SLC9B1: variants seen among roughly 807,000 people sequenced by gnomAD.
SLC9B1 encodes the protein solute carrier family 9 member B1, also known as sodium/hydrogen exchanger 9B1.
A neutral mutation model predicts 51.7 loss-of-function variants in SLC9B1; 32 were observed. The ratio of observed to expected loss-of-function variants is 0.62; its 90% CI spans 0.47 to 0.83. The LOEUF is 0.83. SLC9B1 is among the 40% of genes least tolerant of loss of function. The probability of loss-of-function intolerance (pLI) is 0.00; values close to 1 mark genes in which losing one functional copy is unlikely to be tolerated. For synonymous variants in SLC9B1, 145 were observed against 212.7 expected, an observed-to-expected ratio of 0.68 and a Z score of 2.77; for missense variants, 406 against 613.2, an observed-to-expected ratio of 0.66 and a Z score of 3.57.
At chr4:102,974,848 T>C (rs1291631585) in intron 3 of SLC9B1, among the ~76,000 whole-genome samples, 1 of 152,186 alleles carries the variant, frequency 6.6e-6, no homozygotes, top group African/African-American at 2.4e-5. Flanking sequence ...ATCATTATAA[T>C]CCAAGAAAAT....
intron 3 of SLC9B1, among the ~76,000 whole-genome samples, chr4:102,977,319 GAAAA>G (rs1334686848): frequency 3.0e-5 from 4 of 135,156 alleles, no homozygotes; most frequent in African/African-American, 1.1e-4. Context: ...AAAAAAAACA[GAAAA>G]AAAGGAAGAA....
intron 3 of SLC9B1, among the ~76,000 whole-genome samples, chr4:102,969,544 C>A (rs1037017905): frequency 3.3e-5 from 5 of 152,180 alleles, no homozygotes; most frequent in Non-Finnish European, 7.3e-5. Context: ...CAAGAGCAGA[C>A]AAGCTGAAAA....
intron 11 of SLC9B1, among the ~76,000 whole-genome samples, chr4:102,903,141 A>C (rs1179647889): frequency 6.6e-6 from 1 of 152,304 alleles, no homozygotes; most frequent in East Asian, 1.9e-4. Context: ...GAAGCAGAAT[A>C]ATACTGCAGG....
chr4:102,951,317 A>C (rs1737541626), intron 3 of SLC9B1, among the ~76,000 whole-genome samples: 2 of 152,212 alleles, frequency 1.3e-5, no homozygotes. Flanking sequence ...CCCAGACTGC[A>C]TAAAGTCTCA....
intron 3 of SLC9B1, among the ~76,000 whole-genome samples, chr4:102,979,219 A>G (rs1013980056): frequency 1.4e-4 from 22 of 152,356 alleles, no homozygotes; most frequent in Admixed American, 9.2e-4. Flanking sequence ...AGATTGGAAT[A>G]GTAAGTAGTT....
intron 1 of SLC9B1, among the ~76,000 whole-genome samples, chr4:102,994,511 G>T (rs866361266): frequency 6.6e-6 from 1 of 152,118 alleles, no homozygotes; most frequent in African/African-American, 2.4e-5. Context: ...CCTCCAACCT[G>T]TTCCAACCTC....
chr4:102,932,399 T>C (rs558625874), intron 6 of SLC9B1, 100 bp from the exon 7 acceptor site: 314 of 1,108,600 alleles, frequency 2.8e-4, no homozygotes, highest in Non-Finnish European at 3.8e-4. Context: ...AAACATTGTT[T>C]AGAAGAATTT....
intron 11 of SLC9B1, 45 bp from the exon 12 acceptor site, chr4:102,901,377 T>C (rs760721231): frequency 1.2e-6 from 2 of 1,602,452 alleles, no homozygotes; most frequent in Non-Finnish European, 1.7e-6. Flanking sequence ...AATATTAAAC[T>C]GAGTTGATAT....
chr4:102,941,053 A>T (rs1736971485), intron 6 of SLC9B1, among the ~76,000 whole-genome samples: 1 of 152,204 alleles, frequency 6.6e-6, no homozygotes, highest in Non-Finnish European at 1.5e-5. Flanking sequence ...ACCATTCTGG[A>T]CACAGGCCAT....
At chr4:102,915,586 A>G (rs1272895455) in intron 7 of SLC9B1, among the ~76,000 whole-genome samples, 2 of 152,106 alleles carry the variant, frequency 1.3e-5, no homozygotes, top group East Asian at 3.9e-4. Context: ...TAGCAGAGAT[A>G]AGGTCTTGCT....
At chr4:102,991,560 C>T (rs1739939126) in intron 2 of SLC9B1, 83 bp downstream of exon 2, 2 of 932,688 alleles carry the variant, frequency 2.1e-6, no homozygotes, top group Non-Finnish European at 1.5e-6. Context: ...TAAAAGAAAC[C>T]TATCTAATAA....
chr4:102,929,454 A>G (rs1304297976), intron 7 of SLC9B1, among the ~76,000 whole-genome samples: 1 of 152,244 alleles, frequency 6.6e-6, no homozygotes, highest in East Asian at 1.9e-4. Flanking sequence ...AGTATTCAAT[A>G]AAAGCTAATG....
chr4:102,905,199 CTTTG>C (rs1734973513), intron 11 of SLC9B1, among the ~76,000 whole-genome samples: 1 of 85,896 alleles, frequency 1.2e-5, no homozygotes, highest in African/African-American at 5.2e-5. Context: ...CATTAAGGTT[CTTTG>C]TTTTTGTTTA....
At chr4:102,992,495 T>A (rs1739995483) in intron 1 of SLC9B1, among the ~76,000 whole-genome samples, 1 of 152,188 alleles carries the variant, frequency 6.6e-6, no homozygotes, top group African/African-American at 2.4e-5. Flanking sequence ...ACAATTTTAA[T>A]AATGAAAATT....
At position 102,905,534 on chromosome 4, in the gene SLC9B1, T is replaced by C; in HGVS notation, c.1312A>G (p.Met438Val). ...KEKIFIALAW[M>V]PKATVQAVLG... Reference sequence around the variant, plus strand: ...CTTACCTGTACTGTAGCTTTGGGCATCCATGCTAAAGCAATAAATATTTTC... The same window carrying C: ...CTTACCTGTACTGTAGCTTTGGGCACCCATGCTAAAGCAATAAATATTTTC... The change falls in exon 11 of 12, where the codon ATG (methionine) becomes GTG (valine). Residue 438 changes from methionine (M) to valine (V), a missense_variant. By Grantham distance (21) the Met-to-Val change is conservative (BLOSUM62 1). Around this residue, in one of 6 missense-constraint regions of SLC9B1, gnomAD observed 24 missense variants for 30.7 expected, o/e 0.78. Coordinates refer to ENST00000296422, the MANE Select transcript of SLC9B1 (RefSeq NM_139173.4). The C allele has an allele frequency of 6.2e-7, 1 of 1,610,892 alleles. No homozygotes were observed. The highest frequency in any genetic ancestry group is 8.5e-7 in the Non-Finnish European group (1 of 1,179,054).
At chr4:102,922,782 A>G (rs1361996427) in intron 7 of SLC9B1, among the ~76,000 whole-genome samples, 1 of 152,252 alleles carries the variant, frequency 6.6e-6, no homozygotes, top group Non-Finnish European at 1.5e-5. Context: ...AAACACCTCT[A>G]TGCAAATAAA....
intron 4 of SLC9B1, among the ~76,000 whole-genome samples, chr4:102,949,042 G>A: frequency 6.6e-6 from 1 of 152,004 alleles, no homozygotes; most frequent in Non-Finnish European, 1.5e-5. Flanking sequence ...AATAAATTTT[G>A]GATAAAACTT....
Position 102,925,217 on chromosome 4 carries a change from A to T in SLC9B1, c.829+6907T>A, listed in dbSNP as rs536726783. Among the ~76,000 whole-genome samples, 674 of 152,302 alleles carry T rather than the reference A, an allele frequency of 4.4e-3. 8 individuals carry two copies. Among genetic ancestry groups the T allele is most frequent in the African/African-American group, 0.016 (652 of 41,558 alleles). On this transcript the variant is annotated intron_variant, in intron 7 of 11. Coordinates refer to ENST00000296422, the MANE Select transcript of SLC9B1 (RefSeq NM_139173.4). ...TGGCACATATACACCATGGAATACTATGCAGCCATAAAAAGGATGAGTTCC... is the reference window on the plus strand; with the variant it reads ...TGGCACATATACACCATGGAATACTTTGCAGCCATAAAAAGGATGAGTTCC...
chr4:102,982,460 T>C (rs1036261122), intron 3 of SLC9B1, among the ~76,000 whole-genome samples: 5 of 152,140 alleles, frequency 3.3e-5, no homozygotes, highest in Admixed American at 6.6e-5. Flanking sequence ...GGAATTTTGA[T>C]TGGGATTGCA....
Sources: gnomAD v4.1 joint callset for allele counts (sites outside exome capture counted in the v4.1 genomes callset) on GRCh38, gnomAD v4.1.1 for gene constraint, gnomAD v4.1.1 regional missense constraint, MANE v1.5 for transcripts, NCBI Gene and HGNC (gene_info 2026-07-23, HGNC 2026-07-21) for gene names.